ARHGAP39: variants seen among roughly 807,000 people sequenced by gnomAD.
The protein encoded by ARHGAP39 is rho GTPase-activating protein 39.
Under a neutral mutation model 106.9 loss-of-function variants are expected in ARHGAP39, and 44 were observed. That is an observed-to-expected ratio of 0.41 (90% CI 0.32 to 0.53). The LOEUF (loss-of-function observed/expected upper bound fraction) is 0.53. ARHGAP39 is among the 20% of genes least tolerant of loss of function. The pLI is 0.21. For synonymous variants in ARHGAP39, 768 were observed against 693.2 expected (o/e 1.11, Z -1.69); for missense variants, 1,496 against 1,577.3 (o/e 0.95, Z 0.87).
At position 144,548,395 on chromosome 8, in the gene ARHGAP39, C is replaced by T. The variant is rs117441152; in HGVS notation, c.691G>A (p.Gly231Ser). The T allele has an allele frequency of 5.0e-3, 8,118 of 1,610,776 alleles. 23 individuals carry two copies. The highest frequency in any genetic ancestry group is 0.01 in the Middle Eastern group (62 of 6,052). The change falls in exon 5 of 12, where the codon GGC (glycine) becomes AGC (serine). Residue 231 changes from glycine to serine, a missense_variant. Coordinates refer to ENST00000377307, the MANE Select transcript of ARHGAP39 (RefSeq NM_025251.3). This position sits in a 1 kb window ranked among gnomAD's most constrained non-coding sequence, Gnocchi z 7.4. ...CCAGGTGGGCCGTCTGGGGCGTAGC[C>T]ATTGCCCTGGGCGGCGAGGAAGCTG... ...EPSFLAAQGN[G>S]YAPDGPPGVR...
chr8:144,543,575 G>A (rs909588364), intron 6 of ARHGAP39, among the ~76,000 whole-genome samples: 2 of 152,238 alleles, frequency 1.3e-5, no homozygotes, highest in African/African-American at 4.8e-5. Flanking sequence ...AACCCAGACG[G>A]TGCTGTTGGC....
chr8:144,580,094 G>A (rs1026081372), intron 3 of ARHGAP39, among the ~76,000 whole-genome samples: 6 of 151,988 alleles, frequency 3.9e-5, no homozygotes, highest in Middle Eastern at 3.4e-3. Flanking sequence ...CGCTTCCCAC[G>A]GTGCACTCAC....
At position 144,641,733 on chromosome 8, in the gene ARHGAP39, C is replaced by T. The variant is rs953738524; in HGVS notation, c.-81-36038G>A. 6.6e-6 allele frequency among the ~76,000 whole-genome samples: 1 copy of T among 152,254 alleles called. No individual in the cohort carries two copies. The highest frequency in any genetic ancestry group is 6.5e-5 in the Admixed American group (1 of 15,286). On this transcript the variant is annotated intron_variant, in intron 1 of 11. Transcript: ENST00000377307. The surrounding 1 kb of genome is among the most constrained non-coding windows in gnomAD (Gnocchi z 5.2). Reference sequence around the variant, plus strand: ...AACGCAGACCCAGGATGCACCCAAGCTCCTGCCACAGTCTGAGCTGGCCCC... The same window carrying T: ...AACGCAGACCCAGGATGCACCCAAGTTCCTGCCACAGTCTGAGCTGGCCCC...
At chr8:144,608,096 G>A (rs1251465807) in intron 1 of ARHGAP39, among the ~76,000 whole-genome samples, 2 of 145,840 alleles carry the variant, frequency 1.4e-5, no homozygotes, top group South Asian at 4.3e-4. Context: ...GGCTGAGGTT[G>A]CAGTGAGCCG....
At chr8:144,558,978 G>A (rs1818044282) in intron 3 of ARHGAP39, among the ~76,000 whole-genome samples, 1 of 152,084 alleles carries the variant, frequency 6.6e-6, no homozygotes, top group South Asian at 2.1e-4. Context: ...GGAGGCCAAG[G>A]TGGGCGGATC....
chr8:144,677,560 C>T (rs553942243), intron 1 of ARHGAP39, among the ~76,000 whole-genome samples: 3 of 152,272 alleles, frequency 2.0e-5, no homozygotes, highest in South Asian at 2.1e-4. Flanking sequence ...ACAGCACCTC[C>T]ATACAGCCAA....
chr8:144,531,002 G>A (rs1227033470), intron 10 of ARHGAP39, 131 bp from the exon 11 acceptor site: 1 of 1,218,590 alleles, frequency 8.2e-7, no homozygotes, highest in Non-Finnish European at 1.1e-6. Context: ...TTCTGGACAG[G>A]GCCCATCTGG....
intron 3 of ARHGAP39, among the ~76,000 whole-genome samples, chr8:144,558,572 C>T (rs573258655): frequency 8.7e-6 from 1 of 114,336 alleles, no homozygotes; most frequent in East Asian, 2.7e-4. Context: ...GCATTACAGG[C>T]GTGAGTCACC....
intron 2 of ARHGAP39, among the ~76,000 whole-genome samples, chr8:144,600,648 A>C (rs1204451309): frequency 8.8e-6 from 1 of 113,018 alleles, no homozygotes; most frequent in Admixed American, 9.1e-5. Flanking sequence ...CTGCGTGTGC[A>C]TGGAGGTGTG....
At position 144,547,803 on chromosome 8, in the gene ARHGAP39, G is replaced by C. The variant is rs781076391; in HGVS notation, c.1283C>G (p.Ser428Cys). The change falls in exon 5 of 12, where the codon TCC becomes TGC. Residue 428 changes from serine to cysteine, a missense_variant. By Grantham distance (112) the Ser-to-Cys change is moderately radical. This residue lies in a region of ARHGAP39 where 905 missense variants were observed against 816.4 expected (regional missense o/e 1.11). Transcript: ENST00000377307. The surrounding 1 kb of genome is among the most constrained non-coding windows in gnomAD (Gnocchi z 5.2). ...CAGCAGGCAGGGGCTGGGCTGCAAGGAGTACGAACCACCGCCGGGGTTGGG... is the reference window on the plus strand; with the variant it reads ...CAGCAGGCAGGGGCTGGGCTGCAAGCAGTACGAACCACCGCCGGGGTTGGG... Reference protein sequence around the residue: ...YAPNPGGGSYSLQPSPCLLRD... With the variant: ...YAPNPGGGSYCLQPSPCLLRD... 1 of 1,594,308 alleles carries C rather than the reference G, an allele frequency of 6.3e-7. No individual in the cohort carries two copies. The highest frequency in any genetic ancestry group is 8.5e-7 in the Non-Finnish European group (1 of 1,174,366).
chr8:144,640,407 CTGA>C (rs1396637612), intron 1 of ARHGAP39, among the ~76,000 whole-genome samples: 1 of 152,160 alleles, frequency 6.6e-6, no homozygotes, highest in African/African-American at 2.4e-5. Context: ...CTCACGAGAT[CTGA>C]TGGTTTTAAA....
chr8:144,592,575 G>A (rs1178892312), intron 2 of ARHGAP39, among the ~76,000 whole-genome samples: 1 of 142,180 alleles, frequency 7.0e-6, no homozygotes, highest in African/African-American at 2.7e-5. Context: ...TACCTCCTGG[G>A]GGACAGCACT....
In ARHGAP39 at chr8:144,534,156, C is replaced by T. The variant is rs146514301; in HGVS notation, c.2661G>A (p.Gln887=). The T allele has an allele frequency of 4.0e-4, 638 of 1,613,404 alleles. 2 individuals carry two copies. In the African/African-American group the frequency reaches 7.6e-3, roughly 19 times the overall value. The change falls in exon 8 of 12, where the codon CAG becomes CAA. Residue 887 remains glutamine (Q), a synonymous_variant. Transcript: ENST00000377307. The part of the protein sequence containing the change: ...TYAKYCYHKL[Q]KAALTGAKKG... ...TCTTGGCCCCGGTCAGGGCTGCCTT[C>T]TGTAGCTTGTGGTAACAGTACTTGG...
Position 144,529,344 on chromosome 8 carries a change from G to A in ARHGAP39, c.*1078C>T, listed in dbSNP as rs972064219. 20 of 156,514 alleles carry A rather than the reference G, an allele frequency of 1.3e-4. No individual in the cohort carries two copies. The highest frequency in any genetic ancestry group is 2.5e-4 in the Non-Finnish European group (18 of 70,958). 9.7% of individuals were successfully genotyped at this position (156,514 alleles called of 1,614,324 possible). On this transcript the variant is annotated 3_prime_UTR_variant, in exon 12 of 12. Coordinates refer to ENST00000377307, the MANE Select transcript of ARHGAP39 (RefSeq NM_025251.3). ...GCTTTTGTTTTTAATAAATAAAAAC[G>A]GAACTCTAAAAAATATATATATAAA...
In ARHGAP39 at chr8:144,591,917, G is replaced by A. The variant is rs1166367378; in HGVS notation, c.81-10640C>T. On this transcript the variant is annotated intron_variant, in intron 2 of 11. Coordinates refer to ENST00000377307, the MANE Select transcript of ARHGAP39 (RefSeq NM_025251.3). The surrounding 1 kb of genome is among the most constrained non-coding windows in gnomAD (Gnocchi z 5.3). ...GCTGCCTGTGGGGAGTGGTGCCTGT[G>A]GGGAGTGGTGCCTGCAGGGAGTGGT... Among the ~76,000 whole-genome samples the A allele has an allele frequency of 6.6e-6, 1 of 152,028 alleles. No individual in the cohort carries two copies. The highest frequency in any genetic ancestry group is 1.5e-5 in the Non-Finnish European group (1 of 67,992).
chr8:144,635,565 AG>A (rs1762378855), intron 1 of ARHGAP39, among the ~76,000 whole-genome samples: 2 of 152,180 alleles, frequency 1.3e-5, no homozygotes, highest in Admixed American at 1.3e-4. Flanking sequence ...AGACCCAAGG[AG>A]GGGGTGTGGG....
the ARHGAP39 span, among the ~76,000 whole-genome samples, chr8:144,692,516 G>C: frequency 6.6e-6 from 1 of 152,250 alleles, no homozygotes; most frequent in East Asian, 1.9e-4. Context: ...CCTCCTCAAA[G>C]ACATTCCCAG....
upstream of ARHGAP39, among the ~76,000 whole-genome samples, chr8:144,687,169 ACACTGGCG>A (rs1822623854): frequency 2.3e-5 from 1 of 43,472 alleles, no homozygotes; most frequent in Non-Finnish European, 3.9e-5. Flanking sequence ...CCGTGACCAC[ACACTGGCG>A]GCGAGCACTT....
intron 1 of ARHGAP39, among the ~76,000 whole-genome samples, chr8:144,632,112 C>G (rs916655455): frequency 6.6e-6 from 1 of 152,210 alleles, no homozygotes; most frequent in African/African-American, 2.4e-5. Flanking sequence ...AGTGCTGATT[C>G]TGCTTTCTTT....
Sources: allele counts gnomAD v4.1 joint callset (sites outside exome capture counted in the v4.1 genomes callset), GRCh38; gene constraint gnomAD v4.1.1; regional missense constraint gnomAD v4.1.1; non-coding constraint Gnocchi (gnomAD v3.1); transcripts MANE v1.5; gene names NCBI Gene and HGNC (gene_info 2026-07-23, HGNC 2026-07-21).